Variants in NCALD observed in about 807,000 individuals in gnomAD.
The protein encoded by NCALD is neurocalcin delta.
In NCALD, 10 loss-of-function variants were observed where a neutral mutation model predicts 18.6. That is an observed-to-expected ratio of 0.54 (90% confidence interval 0.33 to 0.91). The LOEUF (loss-of-function observed/expected upper bound fraction) is 0.91, where lower values mean the gene tolerates loss of function less well. Ranked by LOEUF, NCALD falls within the 40% of genes least tolerant of loss-of-function variation. The pLI is 0.03. For missense variants in NCALD, 184 were observed against 247.6 expected (o/e 0.74, Z 1.72); for synonymous variants, 88 against 87.4 (o/e 1.01, Z -0.04).
At chr8:101,869,581 G>A (rs1815919689) in intron 4 of NCALD, among the ~76,000 whole-genome samples, 1 of 152,172 alleles carries the variant, frequency 6.6e-6, no homozygotes, top group South Asian at 2.1e-4. Flanking sequence ...TTGCATGGGA[G>A]TCCTGCCACA....
At chr8:101,881,901 C>A (rs995814576) in intron 4 of NCALD, among the ~76,000 whole-genome samples, 1 of 152,166 alleles carries the variant, frequency 6.6e-6, no homozygotes, top group African/African-American at 2.4e-5. Flanking sequence ...TAGAATTGCA[C>A]ACATTTGTGA....
At chr8:101,958,017 T>G (rs1819699482) in intron 2 of NCALD, among the ~76,000 whole-genome samples, 1 of 152,162 alleles carries the variant, frequency 6.6e-6, no homozygotes, top group South Asian at 2.1e-4. Flanking sequence ...TTTACTTCTG[T>G]GTCAGCGTAG....
chr8:101,880,440 C>T (rs531465233), intron 4 of NCALD, among the ~76,000 whole-genome samples: 30 of 152,276 alleles, frequency 2.0e-4, no homozygotes, highest in African/African-American at 6.3e-4. Context: ...TTGGCCAGCC[C>T]GGAGAGGGGC....
chr8:101,893,399 C>A (rs1466720512), intron 3 of NCALD, among the ~76,000 whole-genome samples: 1 of 151,076 alleles, frequency 6.6e-6, no homozygotes, highest in South Asian at 2.1e-4. Flanking sequence ...GTACCAGCCA[C>A]TGCAAAATCA....
At chr8:101,773,673 T>C (rs988560410) in intron 1 of NCALD, among the ~76,000 whole-genome samples, 2 of 152,228 alleles carry the variant, frequency 1.3e-5, no homozygotes, top group African/African-American at 2.4e-5. Flanking sequence ...AGCAGTGGCA[T>C]TTTATTAAAG....
At chr8:101,703,343 G>A (rs1297878470) in intron 2 of NCALD, among the ~76,000 whole-genome samples, 1 of 152,094 alleles carries the variant, frequency 6.6e-6, no homozygotes, top group Non-Finnish European at 1.5e-5. Flanking sequence ...CACAAAAATG[G>A]TGCTAAATCC....
chr8:101,770,516 C>T (rs768659344), intron 1 of NCALD, among the ~76,000 whole-genome samples: 2 of 152,142 alleles, frequency 1.3e-5, no homozygotes, highest in Non-Finnish European at 2.9e-5. Flanking sequence ...ATTGACTATG[C>T]AAACTCCTGG....
chr8:101,932,705 T>G (rs1818622927), intron 2 of NCALD, among the ~76,000 whole-genome samples: 1 of 152,092 alleles, frequency 6.6e-6, no homozygotes, highest in African/African-American at 2.4e-5. Flanking sequence ...ACATCTCCAT[T>G]AAAAGGAGAG....
chr8:101,973,669 G>A (rs113234633), intron 2 of NCALD, among the ~76,000 whole-genome samples: 4 of 152,264 alleles, frequency 2.6e-5, no homozygotes, highest in African/African-American at 7.2e-5. Flanking sequence ...GAGGGGAAGA[G>A]CCACAGGTGA....
At chr8:101,941,178 C>T (rs905892795) in intron 2 of NCALD, among the ~76,000 whole-genome samples, 1 of 152,184 alleles carries the variant, frequency 6.6e-6, no homozygotes, top group Non-Finnish European at 1.5e-5. Flanking sequence ...TTTATGACAC[C>T]AGGCACTTGT....
chr8:101,886,449 C>T (rs1816677813), intron 4 of NCALD, among the ~76,000 whole-genome samples: 1 of 152,162 alleles, frequency 6.6e-6, no homozygotes, highest in South Asian at 2.1e-4. Flanking sequence ...GAGGTCTAAG[C>T]CATATGACTT....
chr8:101,946,868 A>G (rs371621067), intron 2 of NCALD, among the ~76,000 whole-genome samples: 4 of 151,522 alleles, frequency 2.6e-5, no homozygotes, highest in Non-Finnish European at 5.9e-5. Context: ...GAGGACTGAT[A>G]ATTAATGACC....
chr8:101,820,599 G>A (rs1326406005), intron 4 of NCALD, among the ~76,000 whole-genome samples: 1 of 152,124 alleles, frequency 6.6e-6, no homozygotes. Context: ...TCTGAAAATT[G>A]ATATCCAGTC....
intron 4 of NCALD, among the ~76,000 whole-genome samples, chr8:101,866,113 T>G (rs938791190): frequency 2.0e-5 from 3 of 152,224 alleles, no homozygotes; most frequent in Non-Finnish European, 4.4e-5. Context: ...TAGCTGAGTC[T>G]ACTCATATCA....
chr8:101,688,531 C>A lies in NCALD; in HGVS notation c.*778G>T. 2.7e-6 allele frequency: 1 copy of A among 370,712 alleles called. No homozygotes were observed. 23.0% of individuals were successfully genotyped at this position (370,712 alleles called of 1,614,324 possible). On this transcript the variant is annotated 3_prime_UTR_variant, in exon 4 of 4. Coordinates refer to ENST00000220931, the MANE Select transcript of NCALD (RefSeq NM_032041.3). ...AAACATGCATTTCATTTAAACAAGG[C>A]AAAACACTTAATTTGGTCTGCATTA...
chr8:102,033,745 G>C (rs969497657), intron 1 of NCALD, among the ~76,000 whole-genome samples: 1 of 152,046 alleles, frequency 6.6e-6, no homozygotes, highest in African/African-American at 2.4e-5. Context: ...AGGATTCTCT[G>C]GGGTGCCTTA....
At chr8:101,918,621 T>A (rs1024583851) in intron 2 of NCALD, among the ~76,000 whole-genome samples, 6 of 152,176 alleles carry the variant, frequency 3.9e-5, no homozygotes, top group African/African-American at 1.4e-4. Flanking sequence ...CTGCAACTGA[T>A]AAACTTCTTC....
chr8:102,002,507 C>T (rs1018022204), intron 2 of NCALD, among the ~76,000 whole-genome samples: 24 of 152,168 alleles, frequency 1.6e-4, no homozygotes, highest in Non-Finnish European at 1.0e-4. Flanking sequence ...GAATTGAACT[C>T]GGCTCTGCAC....
intron 1 of NCALD, among the ~76,000 whole-genome samples, chr8:102,030,928 CA>C (rs1274684887): frequency 9.4e-5 from 14 of 148,792 alleles, no homozygotes; most frequent in Non-Finnish European, 2.1e-4. Flanking sequence ...TAAAGGGGAG[CA>C]ATTCTTTGTA....
Sources: gnomAD v4.1 joint callset for allele counts (sites outside exome capture counted in the v4.1 genomes callset) on GRCh38, gnomAD v4.1.1 for gene constraint, MANE v1.5 for transcripts, NCBI Gene and HGNC (gene_info 2026-07-23, HGNC 2026-07-21) for gene names.